RASGRF2: variants seen among roughly 807,000 people sequenced by gnomAD.
RASGRF2 encodes the protein Ras protein specific guanine nucleotide releasing factor 2, also known as ras-specific guanine nucleotide-releasing factor 2.
A neutral mutation model predicts 151.0 loss-of-function variants in RASGRF2; 76 were observed. The ratio of observed to expected loss-of-function variants is 0.50; its 90% CI spans 0.42 to 0.61. The LOEUF (loss-of-function observed/expected upper bound fraction) is 0.61, where lower values mean the gene tolerates loss of function less well. Among genes scored for constraint, RASGRF2 ranks in the 20% least tolerant of loss-of-function variants. The pLI is 0.00. For synonymous variants in RASGRF2, 504 were observed against 566.5 expected (o/e 0.89, Z 1.57); for missense variants, 1,148 against 1,564.6 (o/e 0.73, Z 4.49).
intron 22 of RASGRF2, among the ~76,000 whole-genome samples, chr5:81,209,397 C>G (rs1046844519): frequency 2.6e-5 from 4 of 152,146 alleles, no homozygotes. Flanking sequence ...GCCTCCCCTT[C>G]CAGTTTCACT....
chr5:81,178,276 A>C (rs924621729), intron 17 of RASGRF2, among the ~76,000 whole-genome samples: 5 of 152,198 alleles, frequency 3.3e-5, no homozygotes, highest in African/African-American at 1.2e-4. Flanking sequence ...AAACAGCATA[A>C]AGATAGGACA....
intron 1 of RASGRF2, among the ~76,000 whole-genome samples, chr5:80,984,099 T>C (rs1299533731): frequency 6.6e-6 from 1 of 152,194 alleles, no homozygotes; most frequent in Non-Finnish European, 1.5e-5. Flanking sequence ...CTTGTGCTGT[T>C]GGGCAGGCTG....
intron 1 of RASGRF2, among the ~76,000 whole-genome samples, chr5:80,976,879 A>C (rs1467757356): frequency 6.6e-6 from 1 of 152,192 alleles, no homozygotes. Flanking sequence ...CAATCTCCCC[A>C]GGCCCAGAGC....
At chr5:81,157,517 C>CT (rs1370965757) in intron 17 of RASGRF2, among the ~76,000 whole-genome samples, 2 of 152,168 alleles carry the variant, frequency 1.3e-5, no homozygotes, top group Non-Finnish European at 2.9e-5. Context: ...TTTCCCAAAA[C>CT]TGATTCATAG....
intron 1 of RASGRF2, among the ~76,000 whole-genome samples, chr5:80,983,749 A>G (rs1748387525): frequency 6.6e-6 from 1 of 152,236 alleles, no homozygotes; most frequent in South Asian, 2.1e-4. Flanking sequence ...ACATGCTGGA[A>G]TTCGAAGGCT....
At chr5:80,984,027 C>G (rs905869871) in intron 1 of RASGRF2, among the ~76,000 whole-genome samples, 4 of 152,038 alleles carry the variant, frequency 2.6e-5, no homozygotes, top group African/African-American at 7.2e-5. Context: ...TTTCATGGAG[C>G]CTCTTGAATA....
At chr5:81,196,127 T>C (rs1482514278) in intron 18 of RASGRF2, among the ~76,000 whole-genome samples, 2 of 152,174 alleles carry the variant, frequency 1.3e-5, no homozygotes, top group Non-Finnish European at 2.9e-5. Flanking sequence ...GGCGTGGTGG[T>C]GTGCACCTGT....
At chr5:81,120,720 A>G (rs6870181) in intron 15 of RASGRF2, among the ~76,000 whole-genome samples, 192 of 152,322 alleles carry the variant, frequency 1.3e-3, no homozygotes, top group African/African-American at 4.4e-3. Context: ...TGCAATTCCT[A>G]GAGTCCCCTG....
intron 18 of RASGRF2, among the ~76,000 whole-genome samples, chr5:81,188,182 G>A (rs975162153): frequency 6.6e-6 from 1 of 152,102 alleles, no homozygotes; most frequent in Non-Finnish European, 1.5e-5. Flanking sequence ...GTACTTTTCT[G>A]TCACACTCCT....
chr5:81,080,437 C>T (rs574838501), intron 6 of RASGRF2, among the ~76,000 whole-genome samples, 159 bp from the exon 7 acceptor site: 1 of 152,208 alleles, frequency 6.6e-6, no homozygotes, highest in East Asian at 1.9e-4. Context: ...CAAGTGCTGC[C>T]CATGAGTGCA....
intron 2 of RASGRF2, among the ~76,000 whole-genome samples, chr5:81,060,368 C>A (rs1185551747): frequency 6.6e-6 from 1 of 152,152 alleles, no homozygotes; most frequent in Non-Finnish European, 1.5e-5. Context: ...GCTAGCCACG[C>A]ATGTCCCTGC....
At position 81,180,209 on chromosome 5, in the gene RASGRF2, G is replaced by A; in HGVS notation, c.2721G>A (p.Glu907=). 2 of 1,612,672 alleles carry A rather than the reference G, an allele frequency of 1.2e-6. No homozygotes were observed. Among genetic ancestry groups the A allele is most frequent in the South Asian group, 2.2e-5 (2 of 91,050 alleles). ...FNNTERTCDK[E]FIIRRTATNR... The stretch of plus-strand genomic sequence containing the variant: ...ACACCGAGAGAACATGTGATAAAGA[G>A]TTTATTATACGGAGAACGGCTACCA... The change falls in exon 18 of 27, where the codon GAG becomes GAA. Residue 907 remains glutamate, a synonymous_variant. Transcript: ENST00000265080.
At chr5:81,021,058 G>A (rs1749809949) in intron 1 of RASGRF2, among the ~76,000 whole-genome samples, 1 of 152,206 alleles carries the variant, frequency 6.6e-6, no homozygotes, top group African/African-American at 2.4e-5. Flanking sequence ...TGGCTTCTTT[G>A]GGGAGTGATA....
At chr5:81,220,792 C>T (rs1169216951) in intron 26 of RASGRF2, among the ~76,000 whole-genome samples, 1 of 152,168 alleles carries the variant, frequency 6.6e-6, no homozygotes, top group Admixed American at 6.5e-5. Context: ...AACTGAAGAC[C>T]ATCATTTATT....
chr5:81,196,605 A>C (rs1755269702), intron 18 of RASGRF2, among the ~76,000 whole-genome samples: 1 of 151,984 alleles, frequency 6.6e-6, no homozygotes. Flanking sequence ...GGGCCCCAGA[A>C]GCGTCCCCCA....
chr5:81,066,600 A>T (rs982461145), intron 2 of RASGRF2, among the ~76,000 whole-genome samples: 6 of 152,130 alleles, frequency 3.9e-5, no homozygotes, highest in Non-Finnish European at 8.8e-5. Context: ...TCTGTCTCAG[A>T]CTTTCTGTCT....
At chr5:81,205,206 T>C (rs745909477) in intron 19 of RASGRF2, among the ~76,000 whole-genome samples, 1 of 152,218 alleles carries the variant, frequency 6.6e-6, no homozygotes, top group Non-Finnish European at 1.5e-5. Context: ...GCTACTAGTA[T>C]AATCTAGAAG....
rs1317236524 is a variant in RASGRF2, at chr5:81,180,814, C to G, written c.2793+533C>G. On this transcript the variant is annotated intron_variant, in intron 18 of 26. Coordinates refer to ENST00000265080, the MANE Select transcript of RASGRF2 (RefSeq NM_006909.3). ...CCCGTTGATGTTTTGGGTCCCAATG[C>G]TGTTTTTAAATTGTGTTACACTGAC... Among the ~76,000 whole-genome samples the G allele has an allele frequency of 1.8e-4, 28 of 152,068 alleles. 1 individual carries two copies. Among genetic ancestry groups the G allele is most frequent in the Admixed American group, 1.8e-3 (28 of 15,272 alleles).
intron 4 of RASGRF2, 42 bp downstream of exon 4, chr5:81,070,623 C>G (rs1156697807): frequency 6.6e-7 from 1 of 1,514,448 alleles, no homozygotes; most frequent in Admixed American, 1.7e-5. Context: ...GCATGGTGAC[C>G]AGTCGTCTGT....
Sources: allele counts gnomAD v4.1 joint callset (sites outside exome capture counted in the v4.1 genomes callset), GRCh38; gene constraint gnomAD v4.1.1; transcripts MANE v1.5; gene names NCBI Gene and HGNC (gene_info 2026-07-23, HGNC 2026-07-21).